GAL3ST2: variants seen among roughly 807,000 people sequenced by gnomAD.
GAL3ST2 encodes the protein galactose-3-O-sulfotransferase 2, also known as beta-galactose-3-O-sulfotransferase 2.
GAL3ST2 carries 16 observed loss-of-function variants against 12.9 expected under a neutral mutation model. The observed-to-expected ratio is 1.24, with a 90% CI of 0.84 to 1.88. The LOEUF is 1.88. Ranked by LOEUF, GAL3ST2 falls within the 40% of genes most tolerant of loss-of-function variation. The probability of loss-of-function intolerance (pLI) is 0.00; values close to 1 mark genes in which losing one functional copy is unlikely to be tolerated. For missense variants in GAL3ST2, 639 were observed against 571.8 expected (o/e 1.12, Z -1.20); for synonymous variants, 302 against 273.9 (o/e 1.10, Z -1.01).
In GAL3ST2 at chr2:241,792,172, C is replaced by T. The variant is rs1281605162; in HGVS notation, c.30-6893C>T. ...GGGATTACAGGCACCTGCTACCCTG[C>T]CCAGCTAATTTTTGTATTGTTATTA... On this transcript the variant is annotated intron_variant, in intron 1 of 3. Transcript: ENST00000192314. Among the ~76,000 whole-genome samples the T allele has an allele frequency of 6.6e-5, 10 of 151,892 alleles. 1 individual carries two copies. The South Asian group carries it at 1.9e-3, about 29-fold the overall frequency.
At chr2:241,780,806 C>G (rs896057316) in intron 1 of GAL3ST2, among the ~76,000 whole-genome samples, 13 of 152,160 alleles carry the variant, frequency 8.5e-5, no homozygotes, top group African/African-American at 2.4e-4. Flanking sequence ...TCTTGAGGAT[C>G]CAAGATAAAC....
In GAL3ST2 at chr2:241,799,086, C is replaced by T. The variant is rs1699811556; in HGVS notation, c.51C>T (p.Leu17=). 1.2e-6 allele frequency: 2 copies of T among 1,613,534 alleles called. No individual in the cohort carries two copies. Among genetic ancestry groups the T allele is most frequent in the Admixed American group, 1.7e-5 (1 of 60,008 alleles). The stretch of plus-strand genomic sequence containing the variant: ...ACAGATACTTCCGGGTCATCCTCCT[C>T]CTCCTCCTGGCCCTGACTCTGCTCC... ...GLQRYFRVIL[L]LLLALTLLLL... Residue 17 remains leucine, a synonymous_variant, in exon 2 of 4, where the codon CTC becomes CTT. Coordinates refer to ENST00000192314, the MANE Select transcript of GAL3ST2 (RefSeq NM_022134.3).
In GAL3ST2 at chr2:241,801,913, G is replaced by A. The variant is rs757001271; in HGVS notation, c.252G>A (p.Leu84=). The change falls in exon 3 of 4, where the codon CTG becomes CTA. Residue 84 remains leucine (L), a synonymous_variant. Transcript: ENST00000192314. The surrounding 1 kb of genome is among the most constrained non-coding windows in gnomAD (Gnocchi z 4.4). ...FAETHNLSVA[L]PAGSRVHLGY... is the part of the protein sequence containing the mutation. Reference sequence around the variant, plus strand: ...AGACCCACAACCTGTCCGTGGCGCTGCCCGCCGGCTCACGCGTCCACCTGG... The same window carrying A: ...AGACCCACAACCTGTCCGTGGCGCTACCCGCCGGCTCACGCGTCCACCTGG... 2 of 1,613,008 alleles carry A rather than the reference G, an allele frequency of 1.2e-6. No individual in the cohort carries two copies. Among genetic ancestry groups the A allele is most frequent in the East Asian group, 2.2e-5 (1 of 44,872 alleles).
chr2:241,785,111 C>T (rs952543993), intron 1 of GAL3ST2, among the ~76,000 whole-genome samples: 3 of 144,008 alleles, frequency 2.1e-5, no homozygotes, highest in Non-Finnish European at 3.0e-5. Context: ...TCATGTGATG[C>T]TTTTACAGTG....
intron 1 of GAL3ST2, among the ~76,000 whole-genome samples, chr2:241,778,533 G>A (rs1407522578): frequency 6.6e-6 from 1 of 152,228 alleles, no homozygotes; most frequent in Non-Finnish European, 1.5e-5. Context: ...GTATCTTTGG[G>A]GAGGAGGGGA....
intron 1 of GAL3ST2, among the ~76,000 whole-genome samples, chr2:241,784,508 C>T (rs1224313396): frequency 6.6e-6 from 1 of 152,164 alleles, no homozygotes; most frequent in Non-Finnish European, 1.5e-5. Context: ...ATTCTTAAGA[C>T]ATTTCTAGTA....
Position 241,787,540 on chromosome 2 carries a change from C to CCCCTT in GAL3ST2, c.29+10556_29+10557insCCCTT, listed in dbSNP as rs1553615867. 2.9e-5 allele frequency among the ~76,000 whole-genome samples: 4 copies of CCCCTT among 136,270 alleles called. 1 individual carries two copies. Among genetic ancestry groups the CCCCTT allele is most frequent in the African/African-American group, 1.1e-4 (4 of 36,040 alleles). 89.4% of individuals were successfully genotyped at this position (136,270 alleles called of 152,430 possible). A position where few individuals can be genotyped will look rare whatever the true frequency, so the allele number is the denominator to read the frequency against. ...TTATTTTGCTGTACAACTTCTCCTC[C>CCCCTT]TTTTTTTTTTTTTTTTTGGAGTTTT... On this transcript the variant is annotated intron_variant, in intron 1 of 3. Coordinates refer to ENST00000192314, the MANE Select transcript of GAL3ST2 (RefSeq NM_022134.3).
At position 241,804,041 on chromosome 2, in the gene GAL3ST2, C is replaced by T; in HGVS notation, c.1072C>T (p.Leu358=). 1 of 1,563,240 alleles carries T rather than the reference C, an allele frequency of 6.4e-7. No individual in the cohort carries two copies. Among genetic ancestry groups the T allele is most frequent in the Non-Finnish European group, 8.6e-7 (1 of 1,156,286 alleles). ...DILGYNLRPG[L]DNQTLGVCQR... is the part of the protein sequence containing the mutation. ...CCTGGGTTACAACCTCCGGCCGGGC[C>T]TGGACAACCAGACGCTGGGCGTGTG... Residue 358 remains leucine, a synonymous_variant, in exon 4 of 4, where the codon CTG becomes TTG. Coordinates refer to ENST00000192314, the MANE Select transcript of GAL3ST2 (RefSeq NM_022134.3).
intron 1 of GAL3ST2, among the ~76,000 whole-genome samples, chr2:241,796,222 T>C (rs1472366742): frequency 6.6e-6 from 1 of 152,160 alleles, no homozygotes; most frequent in East Asian, 1.9e-4. Flanking sequence ...CGTCTCTGTA[T>C]GTGTAGCTCT....
intron 2 of GAL3ST2, 38 bp downstream of exon 2, chr2:241,799,192 C>G: frequency 6.4e-7 from 1 of 1,551,344 alleles, no homozygotes; most frequent in Non-Finnish European, 8.9e-7. Flanking sequence ...GCCCCGGGTA[C>G]CTCCTAACAG....
chr2:241,804,054 C>T lies in GAL3ST2; in HGVS notation c.1085C>T (p.Thr362Met), dbSNP rs2125199595. 1 of 1,557,990 alleles carries T rather than the reference C, an allele frequency of 6.4e-7. No homozygotes were observed. Among genetic ancestry groups the T allele is most frequent in the Non-Finnish European group, 8.7e-7 (1 of 1,153,052 alleles). ...CTCCGGCCGGGCCTGGACAACCAGA[C>T]GCTGGGCGTGTGCCAGAGGCTTGTG... is the stretch of plus-strand genomic sequence containing the variant. Reference protein sequence around the residue: ...YNLRPGLDNQTLGVCQRLVMP... With the variant: ...YNLRPGLDNQMLGVCQRLVMP... Residue 362 changes from threonine to methionine, a missense_variant, in exon 4 of 4, where the codon ACG (threonine) becomes ATG (methionine). By Grantham distance (81) the Thr-to-Met change is moderately conservative. Transcript: ENST00000192314.
At chr2:241,799,979 T>C (rs1699821161) in intron 2 of GAL3ST2, among the ~76,000 whole-genome samples, 1 of 152,340 alleles carries the variant, frequency 6.6e-6, no homozygotes, top group South Asian at 2.1e-4. Flanking sequence ...TCCTTCCTTT[T>C]CCTGGTGTGA....
Position 241,803,413 on chromosome 2 carries a change from GTCC to G in GAL3ST2, c.449_451del (p.Ser150del), listed in dbSNP as rs752462053. On this transcript the variant is annotated inframe_deletion, in exon 4 of 4. Transcript: ENST00000192314. The stretch of plus-strand genomic sequence containing the variant: ...TGAGGAACCCCGTGTTCCAGCTGGA[GTCC>G]TCCTTCATCTACTACAAAACCTACG... The G allele has an allele frequency of 3.7e-6, 6 of 1,612,752 alleles. No homozygotes were observed. The highest frequency in any genetic ancestry group is 1.7e-5 in the Admixed American group (1 of 59,898).
rs1267950217 is a variant in GAL3ST2 at position 241,803,938 on chromosome 2, G to A, written c.969G>A (p.Gln323=). The stretch of plus-strand genomic sequence containing the variant: ...GCGAACTCGCGAGCCTGTGCCTGCA[G>A]GACGGCGGCGCGCTCAAGAACCACA... ...RRRELASLCL[Q]DGGALKNHTQ... is the part of the protein sequence containing the mutation. Residue 323 remains glutamine, a synonymous_variant, in exon 4 of 4, where the codon CAG becomes CAA. Transcript: ENST00000192314. 1 of 1,459,718 alleles carries A rather than the reference G, an allele frequency of 6.9e-7. No individual in the cohort carries two copies. The highest frequency in any genetic ancestry group is 1.4e-5 in the South Asian group (1 of 70,002). 90.4% of individuals were successfully genotyped at this position (1,459,718 alleles called of 1,614,324 possible).
intron 1 of GAL3ST2, among the ~76,000 whole-genome samples, chr2:241,782,391 T>G (rs917232300): frequency 6.6e-6 from 1 of 152,134 alleles, no homozygotes; most frequent in African/African-American, 2.4e-5. Flanking sequence ...AGTGGTGCAA[T>G]TTCAGCTCAC....
intron 1 of GAL3ST2, among the ~76,000 whole-genome samples, chr2:241,779,388 C>A (rs1044420996): frequency 2.0e-5 from 3 of 151,504 alleles, no homozygotes; most frequent in Non-Finnish European, 4.4e-5. Context: ...CGCCCGCCAC[C>A]TCGCCCAGCT....
At chr2:241,799,008 GT>G in intron 1 of GAL3ST2, 56 bp from the exon 2 acceptor site, 1 of 1,386,176 alleles carries the variant, frequency 7.2e-7, no homozygotes, top group South Asian at 1.2e-5. Flanking sequence ...AGGATGGGAG[GT>G]GGGGGTGGGG....
At chr2:241,782,646 A>C (rs1205636860) in intron 1 of GAL3ST2, among the ~76,000 whole-genome samples, 1 of 152,062 alleles carries the variant, frequency 6.6e-6, no homozygotes, top group African/African-American at 2.4e-5. Flanking sequence ...GAATAGCTTT[A>C]ATTTCTGACT....
intron 1 of GAL3ST2, among the ~76,000 whole-genome samples, chr2:241,784,209 A>G (rs1385793915): frequency 1.3e-5 from 2 of 151,830 alleles, no homozygotes; most frequent in Admixed American, 6.6e-5. Context: ...AATTTTTTGT[A>G]TTTTTATTAG....
Sources: allele counts gnomAD v4.1 joint callset (sites outside exome capture counted in the v4.1 genomes callset), GRCh38; gene constraint gnomAD v4.1.1; non-coding constraint Gnocchi (gnomAD v3.1); transcripts MANE v1.5; gene names NCBI Gene and HGNC (gene_info 2026-07-23, HGNC 2026-07-21).